MAGI2: variants seen among roughly 807,000 people sequenced by gnomAD.
The protein encoded by MAGI2 is membrane associated guanylate kinase, WW and PDZ domain containing 2.
Under a neutral mutation model 133.3 loss-of-function variants are expected in MAGI2, and 35 were observed. That is an observed-to-expected ratio of 0.26 (90% confidence interval 0.20 to 0.35). The LOEUF is 0.35. Among genes scored for constraint, MAGI2 ranks in the 10% least tolerant of loss-of-function variants. The pLI is 1.00. For missense variants in MAGI2, 1,636 were observed against 1,863.4 expected (o/e 0.88, Z 2.25); for synonymous variants, 729 against 710.6 (o/e 1.03, Z -0.41).
At chr7:79,164,404 G>C (rs1297971967) in intron 1 of MAGI2, among the ~76,000 whole-genome samples, 1 of 151,936 alleles carries the variant, frequency 6.6e-6, no homozygotes, top group East Asian at 1.9e-4. Context: ...TCTTTTGTGG[G>C]GGAAAATTTG....
chr7:79,261,823 C>T (rs942455283), intron 1 of MAGI2, among the ~76,000 whole-genome samples: 1 of 152,170 alleles, frequency 6.6e-6, no homozygotes, highest in African/African-American at 2.4e-5. Context: ...AATACCTGCA[C>T]CATTTATTGT....
intron 1 of MAGI2, among the ~76,000 whole-genome samples, chr7:79,331,542 TA>T (rs1007953417): frequency 1.3e-5 from 2 of 152,150 alleles, no homozygotes; most frequent in African/African-American, 4.8e-5. Flanking sequence ...GATTGCATAT[TA>T]AGGGTCTATT....
intron 1 of MAGI2, among the ~76,000 whole-genome samples, chr7:79,312,121 T>A (rs1291492123): frequency 1.3e-5 from 2 of 152,168 alleles, no homozygotes; most frequent in African/African-American, 4.8e-5. Flanking sequence ...CAAACCTTTA[T>A]AATGCCCTTC....
intron 10 of MAGI2, among the ~76,000 whole-genome samples, chr7:78,227,850 T>TTGTGTGTATGTGTGTGTGTG: frequency 6.9e-6 from 1 of 145,546 alleles, no homozygotes; most frequent in Non-Finnish European, 1.5e-5. Context: ...TCTTACTCAG[T>TTGTGTGTATGTGTGTGTGTG]TGTGTGTGTG....
intron 2 of MAGI2, among the ~76,000 whole-genome samples, chr7:78,816,789 C>T (rs894107310): frequency 1.3e-5 from 2 of 152,108 alleles, no homozygotes; most frequent in African/African-American, 4.8e-5. Flanking sequence ...ACTTGGTCAC[C>T]CAAGAACTCT....
At chr7:78,713,965 G>T (rs1032775515) in intron 2 of MAGI2, among the ~76,000 whole-genome samples, 9 of 150,660 alleles carry the variant, frequency 6.0e-5, no homozygotes, top group African/African-American at 2.2e-4. Context: ...ATTTCTTTTC[G>T]GCTTGGGTAA....
At chr7:79,331,901 C>T (rs773895626) in intron 1 of MAGI2, among the ~76,000 whole-genome samples, 3 of 150,662 alleles carry the variant, frequency 2.0e-5, no homozygotes, top group Admixed American at 6.6e-5. Context: ...ACATATGTAA[C>T]TAACCTGCAC....
intron 7 of MAGI2, among the ~76,000 whole-genome samples, chr7:78,365,261 T>C (rs1006386949): frequency 3.9e-5 from 6 of 152,024 alleles, no homozygotes; most frequent in Non-Finnish European, 5.9e-5. Flanking sequence ...TGACCTCACA[T>C]TGTTGGGCAT....
chr7:78,757,157 G>A (rs1173899890), intron 2 of MAGI2, among the ~76,000 whole-genome samples: 1 of 152,084 alleles, frequency 6.6e-6, no homozygotes, highest in Non-Finnish European at 1.5e-5. Flanking sequence ...TTGCCCATAA[G>A]TGCAACCTTG....
chr7:78,482,686 A>G (rs1443560657), intron 6 of MAGI2, among the ~76,000 whole-genome samples: 1 of 151,890 alleles, frequency 6.6e-6, no homozygotes, highest in Non-Finnish European at 1.5e-5. Context: ...TTTATAGAAT[A>G]TTTTTGCAAC....
At chr7:78,894,979 G>C (rs1799019) in intron 2 of MAGI2, among the ~76,000 whole-genome samples, 78,855 of 152,016 alleles carry the variant, frequency 0.52, 22,082 homozygotes, top group South Asian at 0.69. Flanking sequence ...TTCTGTAACT[G>C]ACACTGAAAT....
Position 78,739,999 on chromosome 7 carries a change from A to G in MAGI2, c.419-112760T>C, listed in dbSNP as rs555939604. Among the ~76,000 whole-genome samples the G allele has an allele frequency of 5.9e-5, 9 of 152,178 alleles. No homozygotes were observed. The South Asian group carries it at 1.9e-3, about 32-fold the overall frequency. On this transcript the variant is annotated intron_variant, in intron 2 of 21. Transcript: ENST00000354212. ...CGGTGAAACCCCGTTTCTACTAAAA[A>G]GAATACAAAAAATTAGCTGGGCGTG...
chr7:78,288,767 C>G (rs1408868664), intron 9 of MAGI2, among the ~76,000 whole-genome samples: 1 of 152,218 alleles, frequency 6.6e-6, no homozygotes, highest in African/African-American at 2.4e-5. Flanking sequence ...GAGGAAGGAT[C>G]AGGCAGCAAC....
At chr7:78,278,984 T>A (rs1185968825) in intron 9 of MAGI2, among the ~76,000 whole-genome samples, 1 of 152,172 alleles carries the variant, frequency 6.6e-6, no homozygotes, top group Non-Finnish European at 1.5e-5. Flanking sequence ...TTTATTAAAC[T>A]TATTGAAGAA....
chr7:78,750,019 G>A (rs955313511), intron 2 of MAGI2, among the ~76,000 whole-genome samples: 1 of 152,050 alleles, frequency 6.6e-6, no homozygotes, highest in Non-Finnish European at 1.5e-5. Flanking sequence ...TTCTCCTAAT[G>A]CTATCCCTCC....
intron 1 of MAGI2, among the ~76,000 whole-genome samples, chr7:79,133,687 T>C (rs1307675287): frequency 1.3e-5 from 2 of 152,160 alleles, no homozygotes; most frequent in Non-Finnish European, 1.5e-5. Context: ...CATAATATAA[T>C]ACCAAAAATA....
At chr7:78,423,564 G>T (rs1798994220) in intron 6 of MAGI2, among the ~76,000 whole-genome samples, 1 of 152,178 alleles carries the variant, frequency 6.6e-6, no homozygotes, top group Admixed American at 6.5e-5. Flanking sequence ...CAGTTTGGAG[G>T]ACTCAGAAGA....
At chr7:79,288,563 T>C (rs1410796951) in intron 1 of MAGI2, among the ~76,000 whole-genome samples, 3 of 152,170 alleles carry the variant, frequency 2.0e-5, no homozygotes, top group Non-Finnish European at 4.4e-5. Flanking sequence ...TACCTTTCAA[T>C]GTTCCCTTAG....
intron 1 of MAGI2, among the ~76,000 whole-genome samples, chr7:79,357,479 C>T (rs953869150): frequency 1.3e-5 from 2 of 152,136 alleles, no homozygotes; most frequent in East Asian, 1.9e-4. Context: ...AAAGTAAGTA[C>T]CATCACTTTA....
Sources: gnomAD v4.1 joint callset for allele counts (sites outside exome capture counted in the v4.1 genomes callset) on GRCh38, gnomAD v4.1.1 for gene constraint, MANE v1.5 for transcripts, NCBI Gene and HGNC (gene_info 2026-07-23, HGNC 2026-07-21) for gene names.